The following GGA2 variants were observed in gnomAD, a reference collection of about 807,000 sequenced individuals.
The protein encoded by GGA2 is golgi associated, gamma adaptin ear containing, ARF binding protein 2, also known as ADP-ribosylation factor-binding protein GGA2.
In GGA2, 48 loss-of-function variants were observed where a neutral mutation model predicts 79.5. That is an observed-to-expected ratio of 0.60 (90% CI 0.48 to 0.77). The LOEUF (loss-of-function observed/expected upper bound fraction) is 0.77, where lower values mean the gene tolerates loss of function less well. GGA2 is among the 30% of genes least tolerant of loss of function. The pLI, the probability that GGA2 is intolerant of heterozygous loss-of-function variation, is 0.00. For synonymous variants in GGA2, 317 were observed against 302.0 expected, an observed-to-expected ratio of 1.05 and a Z score of -0.51; for missense variants, 770 against 774.0, an observed-to-expected ratio of 0.99 and a Z score of 0.06.
upstream of GGA2, chr16:23,524,280 G>A (rs141499212): frequency 3.1e-4 from 347 of 1,102,394 alleles, 2 homozygotes; most frequent in African/African-American, 4.6e-3. Context: ...CAAACTTCCC[G>A]ACGGGCCCCA....
intron 6 of GGA2, among the ~76,000 whole-genome samples, chr16:23,487,225 C>T (rs1964726966): frequency 1.3e-5 from 2 of 152,136 alleles, no homozygotes; most frequent in Non-Finnish European, 2.9e-5. Context: ...CGTGATCCAC[C>T]CACCTCGGCC....
At chr16:23,524,135 C>T (rs1045696625), upstream of GGA2, 22 of 572,464 alleles carry the variant, frequency 3.8e-5, no homozygotes, top group African/African-American at 3.8e-5. Context: ...AAACCAGACC[C>T]GGAGAATGCC....
At chr16:23,524,160 G>C (rs1407092032), upstream of GGA2, 1 of 599,046 alleles carries the variant, frequency 1.7e-6, no homozygotes, top group Non-Finnish European at 3.0e-6. Context: ...CAGAGTCCAG[G>C]AGGTTAGATG....
chr16:23,510,558 C>T (rs958285922), upstream of GGA2: 4 of 389,738 alleles, frequency 1.0e-5, no homozygotes, highest in South Asian at 1.1e-4. Flanking sequence ...CCCAGGCCCC[C>T]CCTCCACGCG....
chr16:23,481,302 G>A (rs1288083613), intron 9 of GGA2, among the ~76,000 whole-genome samples: 7 of 152,174 alleles, frequency 4.6e-5, no homozygotes, highest in Admixed American at 3.9e-4. Context: ...AAACCCAGGA[G>A]ACGGAGGTTG....
At chr16:23,472,184 GTTTTTTTTTTTT>G (rs749688834) in intron 14 of GGA2, among the ~76,000 whole-genome samples, 22 of 54,838 alleles carry the variant, frequency 4.0e-4, no homozygotes, top group East Asian at 1.6e-3. Context: ...TGTAGCCCTG[GTTTTTTTTTTTT>G]TTTTTTTTTT....
chr16:23,480,046 A>C (rs993964757), intron 10 of GGA2, among the ~76,000 whole-genome samples, 159 bp from the exon 11 acceptor site: 1 of 152,150 alleles, frequency 6.6e-6, no homozygotes, highest in East Asian at 1.9e-4. Flanking sequence ...CTGACACACA[A>C]GCTCAGCTGG....
intron 3 of GGA2, chr16:23,494,042 T>G (rs1479588117): frequency 5.9e-6 from 3 of 505,688 alleles, no homozygotes; most frequent in South Asian, 2.5e-5. Flanking sequence ...AGCCCTGGTC[T>G]AAGAAGGGCA....
At chr16:23,480,901 G>C (rs1342472529) in intron 9 of GGA2, 131 bp from the exon 10 acceptor site, 4 of 847,622 alleles carry the variant, frequency 4.7e-6, no homozygotes, top group Non-Finnish European at 7.6e-6. Flanking sequence ...CCTGCCTCCA[G>C]GTTGTGTCAT....
chr16:23,468,860 C>G, intron 16 of GGA2, 26 bp downstream of exon 16: 1 of 1,445,266 alleles, frequency 6.9e-7, no homozygotes, highest in Non-Finnish European at 9.7e-7. Flanking sequence ...CCCCATCTCC[C>G]TGCTACCACA....
Position 23,467,604 on chromosome 16 carries a change from A to C in GGA2, c.1828T>G (p.Leu610Val), listed in dbSNP as rs199705736. 1 of 1,573,380 alleles carries C rather than the reference A, an allele frequency of 6.4e-7. No homozygotes were observed. The highest frequency in any genetic ancestry group is 1.7e-5 in the Admixed American group (1 of 59,820). ...CTTGTGAAAAGTTAGGCTGCGCCCA[A>C]GACAGCCAGGTCTGGGAAGTCTTTC... is the stretch of plus-strand genomic sequence containing the variant. ...EVKDFPDLAV[L>V]GAA Residue 610 changes from leucine (L) to valine (V), a missense_variant, in exon 17 of 17, where the codon TTG (leucine) becomes GTG (valine). Coordinates refer to ENST00000309859, the MANE Select transcript of GGA2 (RefSeq NM_015044.4).
chr16:23,510,563 C>T (rs1278416179), upstream of GGA2: 5 of 388,152 alleles, frequency 1.3e-5, no homozygotes, highest in Non-Finnish European at 1.8e-5. Flanking sequence ...GCCCCCCCTC[C>T]ACGCGGGACC....
chr16:23,471,934 A>T (rs1964515815), intron 14 of GGA2, among the ~76,000 whole-genome samples: 1 of 152,156 alleles, frequency 6.6e-6, no homozygotes, highest in Non-Finnish European at 1.5e-5. Context: ...AAAAATTAAA[A>T]CATAGTTTAA....
At chr16:23,506,797 G>A (rs1359594154) in intron 1 of GGA2, among the ~76,000 whole-genome samples, 2 of 152,162 alleles carry the variant, frequency 1.3e-5, no homozygotes, top group Non-Finnish European at 2.9e-5. Context: ...TGGCAATGGT[G>A]GCACTGACGA....
intron 2 of GGA2, among the ~76,000 whole-genome samples, chr16:23,517,925 T>C (rs1054913943): frequency 2.7e-5 from 4 of 148,654 alleles, no homozygotes; most frequent in Admixed American, 2.0e-4. Context: ...TACTTATTTA[T>C]TTTTATTTTT....
Position 23,495,759 on chromosome 16 carries a change from G to T in GGA2, c.111C>A (p.Ser37Arg), listed in dbSNP as rs1964847010. The change falls in exon 2 of 17, where the codon AGC becomes AGA. Residue 37 changes from serine to arginine, a missense_variant. Ser to Arg is a moderately radical substitution (Grantham distance 110). Coordinates refer to ENST00000309859, the MANE Select transcript of GGA2 (RefSeq NM_015044.4). ...TAGCTGACCAATCCTGTTCCGACAT[G>T]CTTGGGTCTGTGGCTTTGTCTGTCA... ...ELWLNKATDP[S>R]MSEQDWSAIQ... 1.2e-6 allele frequency: 2 copies of T among 1,611,628 alleles called. No individual in the cohort carries two copies. The highest frequency in any genetic ancestry group is 2.7e-5 in the African/African-American group (2 of 74,900).
intron 2 of GGA2, among the ~76,000 whole-genome samples, chr16:23,516,325 T>C (rs780364357): frequency 7.0e-4 from 107 of 152,316 alleles, no homozygotes; most frequent in Non-Finnish European, 1.1e-3. Flanking sequence ...TCAGCTTCTA[T>C]AATTTGGTGA....
At position 23,465,293 on chromosome 16, in the gene GGA2, CTTG is replaced by C; in HGVS notation, c.*2294_*2296del. 2.8e-6 allele frequency: 2 copies of C among 702,156 alleles called. No homozygotes were observed. Among genetic ancestry groups the C allele is most frequent in the South Asian group, 1.5e-5 (1 of 67,508 alleles). 43.5% of individuals were successfully genotyped at this position (702,156 alleles called of 1,614,324 possible). A position where few individuals can be genotyped will look rare whatever the true frequency, so the allele number is the denominator to read the frequency against. On this transcript the variant is annotated 3_prime_UTR_variant, in exon 17 of 17. Transcript: ENST00000309859. ...AGCCACTGTGCACAGCCAATAACTA[CTTG>C]TTAAGTGAATGAAGAGGTAGGAGCT...
chr16:23,476,301 C>T (rs1429914035), intron 13 of GGA2, among the ~76,000 whole-genome samples: 1 of 152,210 alleles, frequency 6.6e-6, no homozygotes, highest in Non-Finnish European at 1.5e-5. Context: ...GGACATCCCA[C>T]TTCTGCCTGA....
Sources: allele counts gnomAD v4.1 joint callset (sites outside exome capture counted in the v4.1 genomes callset), GRCh38; gene constraint gnomAD v4.1.1; transcripts MANE v1.5; gene names NCBI Gene and HGNC (gene_info 2026-07-23, HGNC 2026-07-21).